PTPRK: variants seen among roughly 807,000 people sequenced by gnomAD.
PTPRK encodes the protein protein tyrosine phosphatase receptor type K, also known as receptor-type tyrosine-protein phosphatase kappa.
PTPRK carries 75 observed loss-of-function variants against 178.0 expected under a neutral mutation model. That is an observed-to-expected ratio of 0.42 (90% confidence interval 0.35 to 0.51). The LOEUF is 0.51. PTPRK is among the 20% of genes least tolerant of loss of function. The pLI, the probability that PTPRK is intolerant of heterozygous loss-of-function variation, is 0.02. For missense variants in PTPRK, 1,441 were observed against 1,797.8 expected (o/e 0.80, Z 3.59); for synonymous variants, 637 against 620.6 (o/e 1.03, Z -0.39).
At chr6:128,340,763 T>A (rs754914355) in intron 2 of PTPRK, 21 of 480,070 alleles carry the variant, frequency 4.4e-5, no homozygotes, top group Non-Finnish European at 6.5e-5. Flanking sequence ...TACTTCTTTG[T>A]TTTATATTTT....
intron 2 of PTPRK, among the ~76,000 whole-genome samples, chr6:128,392,782 C>T (rs1415669334): frequency 6.6e-6 from 1 of 151,918 alleles, no homozygotes; most frequent in Non-Finnish European, 1.5e-5. Context: ...AAAGAGAACA[C>T]TTTTTTGATA....
At chr6:128,444,741 A>T (rs1280520709) in intron 1 of PTPRK, among the ~76,000 whole-genome samples, 1 of 152,222 alleles carries the variant, frequency 6.6e-6, no homozygotes, top group Non-Finnish European at 1.5e-5. Context: ...AAATGAAATT[A>T]TGAAGAAAAG....
At chr6:128,454,194 CA>C (rs971074896) in intron 1 of PTPRK, among the ~76,000 whole-genome samples, 11 of 152,114 alleles carry the variant, frequency 7.2e-5, no homozygotes, top group African/African-American at 2.7e-4. Flanking sequence ...CGCCAGACAC[CA>C]AATCTACTGG....
intron 1 of PTPRK, among the ~76,000 whole-genome samples, chr6:128,446,817 G>A (rs1310331835): frequency 1.3e-5 from 2 of 152,066 alleles, no homozygotes; most frequent in Non-Finnish European, 2.9e-5. Flanking sequence ...AACAGTAGGG[G>A]AAAAATGCTC....
intron 3 of PTPRK, among the ~76,000 whole-genome samples, chr6:128,302,963 A>G (rs1825864012): frequency 7.3e-6 from 1 of 137,394 alleles, no homozygotes; most frequent in African/African-American, 3.6e-5. Flanking sequence ...ACACACACAA[A>G]CACAAAACAT....
intron 2 of PTPRK, among the ~76,000 whole-genome samples, chr6:128,385,963 C>T (rs933613376): frequency 2.0e-5 from 3 of 152,070 alleles, no homozygotes; most frequent in African/African-American, 7.2e-5. Context: ...TTAAATATAA[C>T]TTAAAGGAAC....
At chr6:128,514,703 A>G (rs1271072802) in intron 1 of PTPRK, among the ~76,000 whole-genome samples, 1 of 152,192 alleles carries the variant, frequency 6.6e-6, no homozygotes, top group Non-Finnish European at 1.5e-5. Flanking sequence ...ATGGATTATC[A>G]ACACACGAAG....
chr6:128,333,180 A>T (rs1288739247), intron 2 of PTPRK, among the ~76,000 whole-genome samples: 2 of 152,210 alleles, frequency 1.3e-5, no homozygotes, highest in East Asian at 3.8e-4. Flanking sequence ...AAGAGAAGGT[A>T]GTGTGGCCTG....
intron 2 of PTPRK, among the ~76,000 whole-genome samples, chr6:128,379,301 C>T (rs889448751): frequency 6.6e-6 from 1 of 152,070 alleles, no homozygotes; most frequent in Non-Finnish European, 1.5e-5. Context: ...CTGCCATGAA[C>T]CATGTGATTG....
chr6:128,446,740 G>T (rs931999119), intron 1 of PTPRK, among the ~76,000 whole-genome samples: 3 of 151,702 alleles, frequency 2.0e-5, no homozygotes, highest in African/African-American at 7.3e-5. Flanking sequence ...AAGCACTCTG[G>T]GCTACCGCTC....
intron 22 of PTPRK, among the ~76,000 whole-genome samples, 191 bp downstream of exon 22, chr6:127,985,530 G>A (rs1260081928): frequency 6.6e-6 from 1 of 152,152 alleles, no homozygotes; most frequent in Admixed American, 6.5e-5. Flanking sequence ...ATGAATGTAT[G>A]TATTTCTTAA....
chr6:128,082,225 G>C (rs569556695), intron 10 of PTPRK, among the ~76,000 whole-genome samples: 1 of 152,050 alleles, frequency 6.6e-6, no homozygotes, highest in Non-Finnish European at 1.5e-5. Flanking sequence ...TAAGACCACT[G>C]TCAATCAAAA....
intron 2 of PTPRK, among the ~76,000 whole-genome samples, chr6:128,348,777 T>C (rs1483083878): frequency 6.6e-6 from 1 of 152,094 alleles, no homozygotes; most frequent in Non-Finnish European, 1.5e-5. Flanking sequence ...CTGAAAGCTC[T>C]ATAACAATTT....
At chr6:128,120,178 G>C (rs1278223719) in intron 7 of PTPRK, among the ~76,000 whole-genome samples, 1 of 151,758 alleles carries the variant, frequency 6.6e-6, no homozygotes, top group Non-Finnish European at 1.5e-5. Context: ...TTAATTTTTT[G>C]CATGTCAATT....
Position 127,978,990 on chromosome 6 carries a change from G to A in PTPRK, c.3712-1936C>T, listed in dbSNP as rs1354304368. Among the ~76,000 whole-genome samples, 5 of 152,124 alleles carry A rather than the reference G, an allele frequency of 3.3e-5. No homozygotes were observed. The East Asian group carries it at 7.7e-4, about 23-fold the overall frequency. On this transcript the variant is annotated intron_variant, in intron 25 of 29. Coordinates refer to ENST00000368226, the MANE Select transcript of PTPRK (RefSeq NM_002844.4). ...CCCAGAACAGCTTTAACTATGAAATGTCTTTTTTTTGAATCACAGGGGATT... is the reference window on the plus strand; with the variant it reads ...CCCAGAACAGCTTTAACTATGAAATATCTTTTTTTTGAATCACAGGGGATT...
At chr6:127,979,792 A>G (rs953466567) in intron 25 of PTPRK, among the ~76,000 whole-genome samples, 4 of 152,242 alleles carry the variant, frequency 2.6e-5, no homozygotes, top group Non-Finnish European at 5.9e-5. Context: ...TCTCCTTGAT[A>G]TGGTTTCATA....
At chr6:128,514,666 T>A (rs1477829807) in intron 1 of PTPRK, among the ~76,000 whole-genome samples, 1 of 152,104 alleles carries the variant, frequency 6.6e-6, no homozygotes, top group Non-Finnish European at 1.5e-5. Flanking sequence ...CAACTGTAAG[T>A]GACAAAATAA....
chr6:128,108,764 T>G (rs1295420805), intron 7 of PTPRK, among the ~76,000 whole-genome samples: 2 of 152,150 alleles, frequency 1.3e-5, no homozygotes, highest in African/African-American at 4.8e-5. Flanking sequence ...CTCACAGTTC[T>G]GGAGGCTGGG....
chr6:128,180,009 G>A (rs1801660295), intron 7 of PTPRK, among the ~76,000 whole-genome samples: 1 of 152,004 alleles, frequency 6.6e-6, no homozygotes, highest in South Asian at 2.1e-4. Context: ...TAAGAGTAGA[G>A]AGTAGTTTTC....
Sources: allele counts gnomAD v4.1 joint callset (sites outside exome capture counted in the v4.1 genomes callset), GRCh38; gene constraint gnomAD v4.1.1; transcripts MANE v1.5; gene names NCBI Gene and HGNC (gene_info 2026-07-23, HGNC 2026-07-21).